Variants in DACH1 observed in about 807,000 individuals in gnomAD.
The protein encoded by DACH1 is dachshund family transcription factor 1.
A neutral mutation model predicts 54.2 loss-of-function variants in DACH1; 12 were observed. The observed-to-expected ratio is 0.22, with a 90% CI of 0.14 to 0.36. The LOEUF (loss-of-function observed/expected upper bound fraction) is 0.36, where lower values mean the gene tolerates loss of function less well. Ranked by LOEUF, DACH1 falls within the 10% of genes least tolerant of loss-of-function variation. DACH1 has a pLI of 1.00. For synonymous variants in DACH1, 386 were observed against 366.2 expected (o/e 1.05, Z -0.62); for missense variants, 805 against 929.8 (o/e 0.87, Z 1.75).
intron 2 of DACH1, among the ~76,000 whole-genome samples, chr13:71,669,617 GT>G (rs1360914668): frequency 3.3e-5 from 5 of 152,106 alleles, no homozygotes; most frequent in Non-Finnish European, 7.4e-5. Context: ...CCAGTCCCTG[GT>G]GCCAAAAAGG....
At chr13:71,564,663 C>T (rs1218254510) in intron 4 of DACH1, among the ~76,000 whole-genome samples, 1 of 152,080 alleles carries the variant, frequency 6.6e-6, no homozygotes, top group South Asian at 2.1e-4. Context: ...GTACTACACA[C>T]ATGTGATTAA....
intron 3 of DACH1, among the ~76,000 whole-genome samples, chr13:71,620,734 A>T (rs1234084415): frequency 1.3e-5 from 2 of 152,060 alleles, no homozygotes; most frequent in East Asian, 3.9e-4. Flanking sequence ...CTAAGTAAAG[A>T]TATAAATATT....
intron 2 of DACH1, among the ~76,000 whole-genome samples, chr13:71,657,370 T>C (rs563861073): frequency 1.6e-4 from 25 of 152,002 alleles, no homozygotes; most frequent in Non-Finnish European, 3.4e-4. Context: ...CATATGCCTA[T>C]AGTTCCAACT....
chr13:71,777,229 C>T (rs1036970241), intron 1 of DACH1, among the ~76,000 whole-genome samples: 1 of 147,302 alleles, frequency 6.8e-6, no homozygotes, highest in African/African-American at 2.7e-5. Flanking sequence ...GAAACATTTC[C>T]ACCTTCTTCT....
At chr13:71,459,769 C>T (rs1469644726) in intron 10 of DACH1, among the ~76,000 whole-genome samples, 1 of 151,884 alleles carries the variant, frequency 6.6e-6, no homozygotes, top group East Asian at 1.9e-4. Context: ...TCAAGTCTCT[C>T]ATAAATCTAA....
At chr13:71,643,268 T>A (rs1439458604) in intron 2 of DACH1, among the ~76,000 whole-genome samples, 1 of 152,210 alleles carries the variant, frequency 6.6e-6, no homozygotes, top group African/African-American at 2.4e-5. Flanking sequence ...ACCTGGAATA[T>A]GTGGCATAAT....
chr13:71,841,180 T>A (rs1872813688), intron 1 of DACH1, among the ~76,000 whole-genome samples: 1 of 152,182 alleles, frequency 6.6e-6, no homozygotes, highest in African/African-American at 2.4e-5. Flanking sequence ...TAAACCTGCC[T>A]TTCATCTGAT....
intron 1 of DACH1, among the ~76,000 whole-genome samples, chr13:71,833,628 C>T (rs1888673025): frequency 6.6e-6 from 1 of 151,952 alleles, no homozygotes; most frequent in Non-Finnish European, 1.5e-5. Context: ...TTTGGTGACA[C>T]AGCCTGGGTA....
intron 10 of DACH1, among the ~76,000 whole-genome samples, chr13:71,450,404 A>G (rs896685563): frequency 1.3e-5 from 2 of 152,132 alleles, no homozygotes; most frequent in South Asian, 4.1e-4. Flanking sequence ...CTATGCCCAT[A>G]TAAGACGATG....
intron 1 of DACH1, among the ~76,000 whole-genome samples, chr13:71,836,290 A>C (rs1445446273): frequency 3.9e-5 from 6 of 152,070 alleles, no homozygotes; most frequent in African/African-American, 1.4e-4. Context: ...TTAAATAAAA[A>C]TTAATAGTCA....
At chr13:71,499,158 C>CACAT (rs1879708393) in intron 6 of DACH1, among the ~76,000 whole-genome samples, 1 of 149,956 alleles carries the variant, frequency 6.7e-6, no homozygotes, top group Non-Finnish European at 1.5e-5. Flanking sequence ...CACACACACA[C>CACAT]TGATTTAACT....
chr13:71,710,453 TGTG>T (rs1287200346), intron 1 of DACH1, among the ~76,000 whole-genome samples: 1 of 2,076 alleles, frequency 4.8e-4, no homozygotes, highest in Non-Finnish European at 2.3e-3. Context: ...ATGAGGGTTT[TGTG>T]TGTGTGTGTG....
At chr13:71,456,296 A>G (rs561635617) in intron 10 of DACH1, among the ~76,000 whole-genome samples, 103 of 152,220 alleles carry the variant, frequency 6.8e-4, no homozygotes, top group African/African-American at 2.4e-3. Flanking sequence ...TGATATATGT[A>G]TATTTCATGC....
At chr13:71,720,744 T>C (rs998055207) in intron 1 of DACH1, among the ~76,000 whole-genome samples, 4 of 152,160 alleles carry the variant, frequency 2.6e-5, no homozygotes, top group Admixed American at 6.5e-5. Context: ...CAGATCAATA[T>C]AAAGGTAAAA....
In DACH1 at chr13:71,449,844, A is replaced by G. The variant is rs894261853; in HGVS notation, c.2084-9152T>C. ...CAAATAAGAAAGTACATGAGAGAAC[A>G]CAGGTTAGTTGAAAACATGTTCTAA... On this transcript the variant is annotated intron_variant, in intron 10 of 10. Coordinates refer to ENST00000613252, the MANE Select transcript of DACH1 (RefSeq NM_080759.6). 2.0e-5 allele frequency among the ~76,000 whole-genome samples: 3 copies of G among 149,548 alleles called. No individual in the cohort carries two copies. The Admixed American group carries it at 2.0e-4, about 10-fold the overall frequency.
intron 6 of DACH1, among the ~76,000 whole-genome samples, chr13:71,546,940 T>C (rs996078271): frequency 5.3e-5 from 8 of 152,108 alleles, no homozygotes; most frequent in African/African-American, 1.7e-4. Context: ...GTCTAATGTA[T>C]TGGTTACCTC....
intron 2 of DACH1, among the ~76,000 whole-genome samples, chr13:71,656,241 C>T (rs1879081206): frequency 6.6e-6 from 1 of 152,120 alleles, no homozygotes; most frequent in African/African-American, 2.4e-5. Context: ...CTTGGGCATT[C>T]CCTGTTCATT....
At chr13:71,791,385 T>C (rs953876908) in intron 1 of DACH1, among the ~76,000 whole-genome samples, 1 of 150,178 alleles carries the variant, frequency 6.7e-6, no homozygotes, top group Non-Finnish European at 1.5e-5. Context: ...GTTTGGTTTA[T>C]TTTTTTGAGA....
intron 3 of DACH1, among the ~76,000 whole-genome samples, chr13:71,587,609 T>A (rs1566361124): frequency 1.3e-5 from 2 of 151,966 alleles, no homozygotes; most frequent in African/African-American, 4.8e-5. Flanking sequence ...TGTGATTTTT[T>A]ATGATATTTC....
Sources: allele counts gnomAD v4.1 joint callset (sites outside exome capture counted in the v4.1 genomes callset), GRCh38; gene constraint gnomAD v4.1.1; transcripts MANE v1.5; gene names NCBI Gene and HGNC (gene_info 2026-07-23, HGNC 2026-07-21).